Variants in HSPA12A observed in about 807,000 individuals in gnomAD.
HSPA12A encodes heat shock protein family A (Hsp70) member 12A, also known as heat shock 70 kDa protein 12A.
A neutral mutation model predicts 69.2 loss-of-function variants in HSPA12A; 28 were observed. The ratio of observed to expected loss-of-function variants is 0.40; its 90% CI spans 0.30 to 0.55. HSPA12A has a LOEUF of 0.55. Ranked by LOEUF, HSPA12A falls within the 20% of genes least tolerant of loss-of-function variation. The probability of loss-of-function intolerance (pLI) is 0.38; values close to 1 mark genes in which losing one functional copy is unlikely to be tolerated. For missense variants in HSPA12A, 686 were observed against 900.7 expected (o/e 0.76, Z 3.05); for synonymous variants, 345 against 370.5 (o/e 0.93, Z 0.79).
At chr10:116,742,579 A>C (rs1226398039), upstream of HSPA12A, 35 of 1,136,142 alleles carry the variant, frequency 3.1e-5, 1 homozygote, top group Admixed American at 2.4e-4. Flanking sequence ...GCCGCCGGGC[A>C]GCGGGAGCGC....
At chr10:116,688,788 G>A (rs1554879782) in intron 6 of HSPA12A, among the ~76,000 whole-genome samples, 2 of 152,142 alleles carry the variant, frequency 1.3e-5, no homozygotes, top group South Asian at 2.1e-4. Context: ...ACACGTTTCC[G>A]GAGCCTACTA....
chr10:116,676,372 G>C (rs782529850), intron 11 of HSPA12A, 27 bp downstream of exon 11: 56 of 1,574,990 alleles, frequency 3.6e-5, no homozygotes, highest in Non-Finnish European at 4.7e-5. Flanking sequence ...CTGCCTCGCC[G>C]AGTGGCCGAG....
intron 2 of HSPA12A, among the ~76,000 whole-genome samples, chr10:116,825,913 C>T (rs753160346): frequency 6.6e-6 from 1 of 152,174 alleles, no homozygotes; most frequent in Non-Finnish European, 1.5e-5. Context: ...AACTGGATCT[C>T]AGAATGAAAA....
At position 116,692,398 on chromosome 10, in the gene HSPA12A, T is replaced by C; in HGVS notation, c.616A>G (p.Ile206Val). Residue 206 changes from isoleucine to valine, a missense_variant, in exon 6 of 12, where the codon ATC becomes GTC. Coordinates refer to ENST00000369209, the MANE Select transcript of HSPA12A (RefSeq NM_025015.3). Reference sequence around the variant, plus strand: ...AACTGCTTGGCCGGCTGCTTCCAGATGGCAGGCACCGTGATGACCCATCTG... The same window carrying C: ...AACTGCTTGGCCGGCTGCTTCCAGACGGCAGGCACCGTGATGACCCATCTG... The part of the protein sequence containing the change: ...DVRWVITVPA[I>V]WKQPAKQFMR... The C allele has an allele frequency of 6.2e-7, 1 of 1,614,176 alleles. No individual in the cohort carries two copies. Among genetic ancestry groups the C allele is most frequent in the Non-Finnish European group, 8.5e-7 (1 of 1,180,032 alleles).
intron 5 of HSPA12A, among the ~76,000 whole-genome samples, chr10:116,696,623 C>T (rs1209875757): frequency 5.3e-5 from 8 of 152,148 alleles, no homozygotes; most frequent in Non-Finnish European, 1.0e-4. Flanking sequence ...TAATACAACA[C>T]TCTACTACTA....
At chr10:116,705,969 C>T (rs1048601016) in intron 2 of HSPA12A, among the ~76,000 whole-genome samples, 7 of 149,030 alleles carry the variant, frequency 4.7e-5, no homozygotes, top group African/African-American at 1.5e-4. Context: ...AATCTCGGCT[C>T]ACTGCAAGCT....
At chr10:116,713,433 G>A (rs1429721131) in intron 1 of HSPA12A, among the ~76,000 whole-genome samples, 1 of 152,114 alleles carries the variant, frequency 6.6e-6, no homozygotes, top group Non-Finnish European at 1.5e-5. Flanking sequence ...AATAATTATG[G>A]AAATGAGCAT....
intron 2 of HSPA12A, among the ~76,000 whole-genome samples, chr10:116,795,712 A>C (rs1336622770): frequency 6.6e-6 from 1 of 150,726 alleles, no homozygotes; most frequent in Non-Finnish European, 1.5e-5. Context: ...AAATTATAGT[A>C]AATAAAATTA....
chr10:116,720,874 C>T (rs930092928), intron 1 of HSPA12A, among the ~76,000 whole-genome samples: 20 of 152,266 alleles, frequency 1.3e-4, no homozygotes, highest in African/African-American at 4.1e-4. Context: ...TGAGAGAGGA[C>T]GAGACAGGAC....
intron 3 of HSPA12A, among the ~76,000 whole-genome samples, chr10:116,702,206 A>C (rs1387227082): frequency 4.6e-5 from 7 of 152,090 alleles, no homozygotes; most frequent in Non-Finnish European, 1.0e-4. Context: ...GTATTCGCTC[A>C]CCTTTGGGGC....
intron 1 of HSPA12A, among the ~76,000 whole-genome samples, chr10:116,720,823 G>T (rs565034176): frequency 1.4e-4 from 22 of 152,324 alleles, no homozygotes; most frequent in African/African-American, 5.3e-4. Flanking sequence ...GGAAATAAAG[G>T]AAAAGAGAAG....
chr10:116,816,517 G>C (rs1411572954), intron 2 of HSPA12A, among the ~76,000 whole-genome samples: 1 of 152,214 alleles, frequency 6.6e-6, no homozygotes, highest in Non-Finnish European at 1.5e-5. Flanking sequence ...TGTCACTGAA[G>C]GAGCGAGCAG....
intron 1 of HSPA12A, among the ~76,000 whole-genome samples, chr10:116,714,446 T>C (rs1158755401): frequency 6.6e-6 from 1 of 152,128 alleles, no homozygotes; most frequent in African/African-American, 2.4e-5. Flanking sequence ...CTATCACTCC[T>C]TCTAATTAGC....
At chr10:116,765,461 T>C (rs1282846102) in intron 2 of HSPA12A, among the ~76,000 whole-genome samples, 1 of 151,602 alleles carries the variant, frequency 6.6e-6, no homozygotes, top group African/African-American at 2.4e-5. Context: ...TCCGGGACCA[T>C]AGGAGGGGGA....
At chr10:116,684,013 C>T in intron 6 of HSPA12A, 51 bp from the exon 7 acceptor site, 1 of 1,459,016 alleles carries the variant, frequency 6.9e-7, no homozygotes, top group Non-Finnish European at 9.1e-7. Context: ...GGCCGGCCTG[C>T]TCCTAGGACA....
chr10:116,838,612 G>A (rs2133219331), intron 1 of HSPA12A, among the ~76,000 whole-genome samples: 1 of 152,234 alleles, frequency 6.6e-6, no homozygotes, highest in South Asian at 2.1e-4. Flanking sequence ...ACAAAATTAT[G>A]CTTTACATCT....
chr10:116,820,474 T>C (rs1845391948), intron 2 of HSPA12A, among the ~76,000 whole-genome samples: 1 of 152,078 alleles, frequency 6.6e-6, no homozygotes, highest in Admixed American at 6.5e-5. Context: ...TATGGTCACA[T>C]GACCATGACT....
intron 6 of HSPA12A, among the ~76,000 whole-genome samples, chr10:116,691,932 G>C (rs1849749136): frequency 6.6e-6 from 1 of 152,234 alleles, no homozygotes; most frequent in Admixed American, 6.5e-5. Flanking sequence ...GAAAATGCCT[G>C]GTTCGTGGCC....
intron 1 of HSPA12A, among the ~76,000 whole-genome samples, chr10:116,844,207 A>G (rs942560737): frequency 6.6e-6 from 1 of 152,202 alleles, no homozygotes; most frequent in African/African-American, 2.4e-5. Context: ...CCTTGGGCCA[A>G]TCACTTACCT....
Sources: gnomAD v4.1 joint callset for allele counts (sites outside exome capture counted in the v4.1 genomes callset) on GRCh38, gnomAD v4.1.1 for gene constraint, MANE v1.5 for transcripts, NCBI Gene and HGNC (gene_info 2026-07-23, HGNC 2026-07-21) for gene names.